The following RBFOX1 variants were observed in gnomAD, a reference collection of about 807,000 sequenced individuals.
The protein encoded by RBFOX1 is RNA binding fox-1 homolog 1, also known as RNA binding protein fox-1 homolog 1.
In RBFOX1, 8 loss-of-function variants were observed where a neutral mutation model predicts 57.7. The ratio of observed to expected loss-of-function variants is 0.14; its 90% CI spans 0.08 to 0.25. The LOEUF (loss-of-function observed/expected upper bound fraction) is 0.25. Among genes scored for constraint, RBFOX1 ranks in the 10% least tolerant of loss-of-function variants. The pLI is 1.00. For synonymous variants in RBFOX1, 326 were observed against 222.4 expected, an observed-to-expected ratio of 1.47 and a Z score of -4.15; for missense variants, 611 against 548.5, an observed-to-expected ratio of 1.11 and a Z score of -1.14.
chr16:7,020,156 T>C lies in RBFOX1; in HGVS notation c.-15-31901T>C, dbSNP rs578257015. 6.6e-4 allele frequency among the ~76,000 whole-genome samples: 101 copies of C among 152,268 alleles called. 1 individual carries two copies. Among genetic ancestry groups the C allele is most frequent in the African/African-American group, 2.3e-3 (95 of 41,578 alleles). On this transcript the variant is annotated intron_variant, in intron 3 of 15. Transcript: ENST00000550418. Reference sequence around the variant, plus strand: ...AGGTGCGGCGTACCCGGGGACTCTTTTATGCCATCTTTATACCTCTGTGTA... The same window carrying C: ...AGGTGCGGCGTACCCGGGGACTCTTCTATGCCATCTTTATACCTCTGTGTA...
intron 4 of RBFOX1, among the ~76,000 whole-genome samples, chr16:5,953,727 A>ATATATATATATATATAT (rs369925781): frequency 3.7e-5 from 4 of 108,998 alleles, no homozygotes; most frequent in South Asian, 2.4e-4. Flanking sequence ...TATATATATA[A>ATATATATATATATATAT]AAAACACATT....
At chr16:5,865,930 G>C (rs1416890493) in intron 3 of RBFOX1, among the ~76,000 whole-genome samples, 1 of 151,926 alleles carries the variant, frequency 6.6e-6, no homozygotes, top group Non-Finnish European at 1.5e-5. Flanking sequence ...GAGAGGGAGA[G>C]AGAGAAAGAA....
intron 2 of RBFOX1, among the ~76,000 whole-genome samples, chr16:6,595,941 CTTT>C (rs953053716): frequency 1.3e-5 from 2 of 151,866 alleles, no homozygotes; most frequent in Non-Finnish European, 2.9e-5. Context: ...TTGTTGGAAA[CTTT>C]TTTATTAAGT....
At chr16:5,582,515 G>C (rs1006154799) in intron 2 of RBFOX1, among the ~76,000 whole-genome samples, 1 of 151,346 alleles carries the variant, frequency 6.6e-6, no homozygotes, top group Non-Finnish European at 1.5e-5. Flanking sequence ...GCAGAGCTGG[G>C]ACTTGAACCC....
chr16:6,927,730 G>A (rs138590364), intron 3 of RBFOX1, among the ~76,000 whole-genome samples: 3 of 147,318 alleles, frequency 2.0e-5, no homozygotes, highest in Non-Finnish European at 4.5e-5. Flanking sequence ...TTATAAGTCA[G>A]TGCCCTATGT....
chr16:5,757,710 C>T (rs1348779460), intron 3 of RBFOX1, among the ~76,000 whole-genome samples: 1 of 152,152 alleles, frequency 6.6e-6, no homozygotes, highest in East Asian at 1.9e-4. Flanking sequence ...TACAACAGTG[C>T]TATGAAGTTG....
intron 1 of RBFOX1, among the ~76,000 whole-genome samples, chr16:5,296,415 T>A (rs1440046658): frequency 1.3e-5 from 2 of 152,140 alleles, no homozygotes; most frequent in South Asian, 4.1e-4. Flanking sequence ...GATGTTTACA[T>A]CCCCAGAACC....
At chr16:7,004,365 C>T (rs2093113767) in intron 3 of RBFOX1, among the ~76,000 whole-genome samples, 1 of 152,122 alleles carries the variant, frequency 6.6e-6, no homozygotes, top group Non-Finnish European at 1.5e-5. Context: ...GCAAAGACAA[C>T]ATGGCATCAG....
chr16:7,496,327 G>C (rs1222662723), intron 4 of RBFOX1, among the ~76,000 whole-genome samples: 1 of 152,122 alleles, frequency 6.6e-6, no homozygotes, highest in East Asian at 1.9e-4. Flanking sequence ...ATTTTTAGTA[G>C]GGATGGGGTT....
At chr16:6,517,238 G>C (rs1184518444) in intron 2 of RBFOX1, among the ~76,000 whole-genome samples, 2 of 152,110 alleles carry the variant, frequency 1.3e-5, no homozygotes, top group Non-Finnish European at 2.9e-5. Context: ...CTGCTGAACA[G>C]CTCGCATTTT....
intron 2 of RBFOX1, among the ~76,000 whole-genome samples, chr16:6,434,683 G>A (rs1158286429): frequency 1.3e-5 from 2 of 152,148 alleles, no homozygotes; most frequent in East Asian, 1.9e-4. Flanking sequence ...ATCTTCTCAG[G>A]TCATCCTTTC....
At chr16:7,706,358 C>G (rs920473417) in intron 14 of RBFOX1, among the ~76,000 whole-genome samples, 1 of 152,166 alleles carries the variant, frequency 6.6e-6, no homozygotes, top group Admixed American at 6.5e-5. Flanking sequence ...TAGTTCAATG[C>G]TGCTGTATTT....
intron 3 of RBFOX1, among the ~76,000 whole-genome samples, chr16:6,840,838 G>T (rs948933983): frequency 2.1e-5 from 3 of 144,658 alleles, no homozygotes; most frequent in African/African-American, 7.8e-5. Context: ...GGTGAGCTGA[G>T]ATCGTCCCAT....
chr16:5,408,789 C>G (rs188683687), intron 1 of RBFOX1, among the ~76,000 whole-genome samples: 19 of 152,214 alleles, frequency 1.2e-4, no homozygotes, highest in African/African-American at 4.6e-4. Flanking sequence ...ATGGCAAAAG[C>G]AGGAGCAAGA....
intron 4 of RBFOX1, among the ~76,000 whole-genome samples, chr16:7,464,174 T>A (rs117651651): frequency 2.1e-3 from 317 of 152,286 alleles, no homozygotes; most frequent in Middle Eastern, 6.8e-3. Context: ...ATTCACCCAT[T>A]ACAGACCACT....
At chr16:5,507,429 G>C (rs1474884241) in intron 2 of RBFOX1, among the ~76,000 whole-genome samples, 1 of 152,112 alleles carries the variant, frequency 6.6e-6, no homozygotes, top group Non-Finnish European at 1.5e-5. Flanking sequence ...AAAACATGTG[G>C]TGCATGAATG....
intron 1 of RBFOX1, among the ~76,000 whole-genome samples, chr16:6,263,889 C>T (rs1598950666): frequency 6.6e-6 from 1 of 152,098 alleles, no homozygotes; most frequent in South Asian, 2.1e-4. Context: ...CAGTGGCCAC[C>T]ACCAGCAACA....
At position 6,543,028 on chromosome 16, in the gene RBFOX1, A is replaced by G. The variant is rs150183770; in HGVS notation, c.-63-111575A>G. Among the ~76,000 whole-genome samples the G allele has an allele frequency of 1.1e-3, 175 of 152,236 alleles. No individual in the cohort carries two copies. The Middle Eastern group carries it at 0.014, about 12-fold the overall frequency. On this transcript the variant is annotated intron_variant, in intron 2 of 15. Coordinates refer to ENST00000550418, the MANE Select transcript of RBFOX1 (RefSeq NM_018723.4). ...CCTCTCACTCTCCCTCCCCAGGGCC[A>G]CACTATCGTTTGGCAGTAATCACAT...
At chr16:6,643,839 T>TA (rs71145267) in intron 2 of RBFOX1, among the ~76,000 whole-genome samples, 118,787 of 152,006 alleles carry the variant, frequency 0.78, 46,566 homozygotes, top group South Asian at 0.92. Flanking sequence ...TAAAAAATCA[T>TA]ATAAGGCTGA....
Sources: gnomAD v4.1 joint callset for allele counts (sites outside exome capture counted in the v4.1 genomes callset) on GRCh38, gnomAD v4.1.1 for gene constraint, MANE v1.5 for transcripts, NCBI Gene and HGNC (gene_info 2026-07-23, HGNC 2026-07-21) for gene names.